The following HNRNPDL variants were observed in gnomAD, a reference collection of about 807,000 sequenced individuals.
HNRNPDL encodes heterogeneous nuclear ribonucleoprotein D like.
Under a neutral mutation model 48.0 loss-of-function variants are expected in HNRNPDL, and 18 were observed. The observed-to-expected ratio is 0.38, with a 90% CI of 0.26 to 0.56. The LOEUF (loss-of-function observed/expected upper bound fraction) is 0.56. HNRNPDL is among the 20% of genes least tolerant of loss of function. HNRNPDL has a pLI of 0.77. For synonymous variants in HNRNPDL, 306 were observed against 207.3 expected (o/e 1.48, Z -4.09); for missense variants, 553 against 540.7 (o/e 1.02, Z -0.23).
chr4:82,427,452 T>A lies in HNRNPDL; in HGVS notation c.887A>T (p.His296Leu). ...CTTTACCTTCCCAGAACCAATTTGA[T>A]GGTATCTGCTTTCTAACAATTTTTT... is the stretch of plus-strand genomic sequence containing the variant. ...PVKKLLESRY[H>L]QIGSGKCEIK... Residue 296 changes from histidine (H) to leucine (L), a missense_variant, in exon 4 of 8, where the codon CAT (histidine) becomes CTT (leucine). Transcript: ENST00000295470. 6.2e-7 allele frequency: 1 copy of A among 1,605,982 alleles called. No individual in the cohort carries two copies. The highest frequency in any genetic ancestry group is 8.5e-7 in the Non-Finnish European group (1 of 1,178,010).
In HNRNPDL at chr4:82,423,666, C is replaced by G. The variant is rs763333619; in HGVS notation, c.*1240G>C. The G allele has an allele frequency of 2.6e-5, 4 of 152,170 alleles. No homozygotes were observed. The highest frequency in any genetic ancestry group is 4.4e-5 in the Non-Finnish European group (3 of 68,036). The allele number at this position is 152,170 out of a possible 1,614,324, so 9.4% of individuals were successfully genotyped here. ...AACACTGAGGCCAAGGTCCCAAAAT[C>G]CAACTACACTGAATGCAAAATCCAA... On this transcript the variant is annotated 3_prime_UTR_variant, in exon 8 of 8. Transcript: ENST00000295470.
Position 82,429,365 on chromosome 4 carries a change from C to T in HNRNPDL, c.326G>A (p.Arg109His), listed in dbSNP as rs780878669. 26 of 1,613,392 alleles carry T rather than the reference C, an allele frequency of 1.6e-5. No homozygotes were observed. Among genetic ancestry groups the T allele is most frequent in the Non-Finnish European group, 2.2e-5 (26 of 1,179,888 alleles). ...AAAAAATRTA[R>H]QHPPADSSVT... The stretch of plus-strand genomic sequence containing the variant: ...GGAGCTGTCGGCAGGGGGGTGCTGG[C>T]GCGCAGTCCGGGTCGCGGCAGCAGC... Residue 109 changes from arginine (R) to histidine (H), a missense_variant, in exon 1 of 8, where the codon CGC (arginine) becomes CAC (histidine). By Grantham distance (29) the Arg-to-His change is conservative (BLOSUM62 0). Coordinates refer to ENST00000295470, the MANE Select transcript of HNRNPDL (RefSeq NM_031372.4).
rs2110025743 is a variant in HNRNPDL at position 82,424,162 on chromosome 4, T to A, written c.*744A>T. The A allele has an allele frequency of 6.6e-6, 1 of 152,364 alleles. No homozygotes were observed. The highest frequency in any genetic ancestry group is 2.4e-5 in the African/African-American group (1 of 41,584). 9.4% of individuals were successfully genotyped at this position (152,364 alleles called of 1,614,324 possible). A position where few individuals can be genotyped will look rare whatever the true frequency, so the allele number is the denominator to read the frequency against. The stretch of plus-strand genomic sequence containing the variant: ...AGTGCTCCTTTTGTATCTGAACTTT[T>A]ATCAAGAATTACTCATTGTGTTATG... On this transcript the variant is annotated 3_prime_UTR_variant, in exon 8 of 8. Transcript: ENST00000295470.
Position 82,429,560 on chromosome 4 carries a change from G to A in HNRNPDL, c.131C>T (p.Ser44Leu), listed in dbSNP as rs1210569677. The stretch of plus-strand genomic sequence containing the variant: ...CTGCCGGGCGGAGCTGGGAGCGAGC[G>A]AAGGGAGGAGCGGGGCTAGCTGCCG... ...PPRQLAPLLP[S>L]LAPSSARQGA... The change falls in exon 1 of 8, where the codon TCG (serine) becomes TTG (leucine). Residue 44 changes from serine to leucine, a missense_variant. Ser to Leu is a moderately radical substitution (Grantham distance 145). Transcript: ENST00000295470. The A allele has an allele frequency of 4.9e-6, 7 of 1,438,002 alleles. No homozygotes were observed. The highest frequency in any genetic ancestry group is 6.4e-6 in the Non-Finnish European group (7 of 1,100,512). 89.1% of individuals were successfully genotyped at this position (1,438,002 alleles called of 1,614,324 possible).
intron 1 of HNRNPDL, 150 bp downstream of exon 1, chr4:82,429,098 A>T: frequency 2.8e-6 from 2 of 725,860 alleles, no homozygotes; most frequent in Non-Finnish European, 4.7e-6. Context: ...TCGATCTCTT[A>T]CTTTCCTCTT....
At position 82,427,751 on chromosome 4, in the gene HNRNPDL, G is replaced by C. The variant is rs555968555; in HGVS notation, c.775-187C>G. ...TTGTTGTATATTTGAAGCATTGAGA[G>C]AAATTAATATTATTTTGTACCCAAA... is the stretch of plus-strand genomic sequence containing the variant. On this transcript the variant is annotated intron_variant, in intron 3 of 7. Transcript: ENST00000295470. Among the ~76,000 whole-genome samples, 15 of 152,340 alleles carry C rather than the reference G, an allele frequency of 9.8e-5. No homozygotes were observed. The South Asian group carries it at 1.4e-3, about 15-fold the overall frequency.
rs1721347434 is a variant in HNRNPDL, at chr4:82,424,737, A to C, written c.*169T>G. The C allele has an allele frequency of 6.6e-6, 1 of 152,588 alleles. No homozygotes were observed. The highest frequency in any genetic ancestry group is 6.5e-5 in the Admixed American group (1 of 15,290). 9.5% of individuals were successfully genotyped at this position (152,588 alleles called of 1,614,324 possible). Reference sequence around the variant, plus strand: ...ACAGATAGCAAAGGACAAAGTAAAAACAAAGAAAACTAATTGGCAGCTATA... The same window carrying C: ...ACAGATAGCAAAGGACAAAGTAAAACCAAAGAAAACTAATTGGCAGCTATA... On this transcript the variant is annotated 3_prime_UTR_variant, in exon 8 of 8. Transcript: ENST00000295470.
In HNRNPDL at chr4:82,429,708, GGA is replaced by G; in HGVS notation, c.-20_-19del. On this transcript the variant is annotated 5_prime_UTR_variant, in exon 1 of 8. Transcript: ENST00000295470. ...ACCTCCATCGCGGCCCTCCCGGCAA[GGA>G]GAGAGGCCACGCGTGAGGGGACGCG... 4.5e-6 allele frequency: 6 copies of G among 1,347,986 alleles called. No individual in the cohort carries two copies. The South Asian group carries it at 5.9e-5, about 13-fold the overall frequency. The allele number at this position is 1,347,986 out of a possible 1,614,324, so 83.5% of individuals were successfully genotyped here.
At chr4:82,427,589 G>A (rs570881771) in intron 3 of HNRNPDL, 25 bp from the exon 4 acceptor site, 53 of 1,601,534 alleles carry the variant, frequency 3.3e-5, no homozygotes, top group South Asian at 1.9e-4. Flanking sequence ...CACACTCAAC[G>A]TCATCCCATA....
chr4:82,429,926 G>A lies in HNRNPDL; in HGVS notation c.-236C>T, dbSNP rs1721647467. 2.7e-6 allele frequency: 1 copy of A among 366,672 alleles called. No individual in the cohort carries two copies. Among genetic ancestry groups the A allele is most frequent in the African/African-American group, 2.1e-5 (1 of 47,836 alleles). The allele number at this position is 366,672 out of a possible 1,614,324, so 22.7% of individuals were successfully genotyped here. ...GCCTTTTTCTGCCCTCGGTTCGCCA[G>A]TGCGGAGCCGCTGCGGCGGCCGCTG... On this transcript the variant is annotated 5_prime_UTR_variant, in exon 1 of 8. Transcript: ENST00000295470.
intron 5 of HNRNPDL, 121 bp downstream of exon 5, chr4:82,427,069 A>G (rs1721442006): frequency 2.6e-6 from 2 of 777,206 alleles, no homozygotes; most frequent in Non-Finnish European, 4.5e-6. Context: ...TAAGCTGAAC[A>G]GTCCCCCCTC....
In HNRNPDL at chr4:82,429,461, C is replaced by G. The variant is rs1382265306; in HGVS notation, c.230G>C (p.Gly77Ala). The G allele has an allele frequency of 1.3e-6, 2 of 1,594,538 alleles. No individual in the cohort carries two copies. Among genetic ancestry groups the G allele is most frequent in the South Asian group, 1.1e-5 (1 of 90,330 alleles). The change falls in exon 1 of 8, where the codon GGA becomes GCA. Residue 77 changes from glycine to alanine, a missense_variant. Transcript: ENST00000295470. ...GAGATCCGGGCGCCGCCTGCGCCCT[C>G]CCTTTATAGCCGCCCCGCCCGCCAA... is the stretch of plus-strand genomic sequence containing the variant. Reference protein sequence around the residue: ...SRLAGGAAIKGGRRRRPDLFR... With the variant: ...SRLAGGAAIKAGRRRRPDLFR...
chr4:82,427,167 A>G (rs1376685334), intron 5 of HNRNPDL, 23 bp downstream of exon 5: 8 of 1,430,010 alleles, frequency 5.6e-6, no homozygotes, highest in African/African-American at 4.2e-5. Context: ...CCACGGAGTC[A>G]TATTTCAAGA....
intron 4 of HNRNPDL, 47 bp downstream of exon 4, chr4:82,427,383 AATT>A: frequency 6.5e-7 from 1 of 1,532,866 alleles, no homozygotes; most frequent in Non-Finnish European, 8.8e-7. Context: ...CACATCAAGA[AATT>A]ATTTCAATTA....
At position 82,429,549 on chromosome 4, in the gene HNRNPDL, T is replaced by C. The variant is rs767331682; in HGVS notation, c.142A>G (p.Ser48Gly). The change falls in exon 1 of 8, where the codon AGC becomes GGC. Residue 48 changes from serine to glycine, a missense_variant. Ser to Gly is a moderately conservative substitution (Grantham distance 56). Transcript: ENST00000295470. ...LAPLLPSLAP[S>G]SARQGARRAQ... ...CGGCGCGCCCCCTGCCGGGCGGAGCTGGGAGCGAGCGAAGGGAGGAGCGGG... is the reference window on the plus strand; with the variant it reads ...CGGCGCGCCCCCTGCCGGGCGGAGCCGGGAGCGAGCGAAGGGAGGAGCGGG... 411 of 1,458,050 alleles carry C rather than the reference T, an allele frequency of 2.8e-4. No individual in the cohort carries two copies. The highest frequency in any genetic ancestry group is 3.5e-4 in the Non-Finnish European group (390 of 1,109,620). 90.3% of individuals were successfully genotyped at this position (1,458,050 alleles called of 1,614,324 possible).
Position 82,429,734 on chromosome 4 carries a change from C to T in HNRNPDL, c.-44G>A, listed in dbSNP as rs888837482. 11 of 1,296,112 alleles carry T rather than the reference C, an allele frequency of 8.5e-6. No individual in the cohort carries two copies. The East Asian group carries it at 1.9e-4, about 22-fold the overall frequency. The allele number at this position is 1,296,112 out of a possible 1,614,324, so 80.3% of individuals were successfully genotyped here. Reference sequence around the variant, plus strand: ...GAGAGAGGCCACGCGTGAGGGGACGCGGGCTTGGGAGAAGAGAAGAATCAG... The same window carrying T: ...GAGAGAGGCCACGCGTGAGGGGACGTGGGCTTGGGAGAAGAGAAGAATCAG... On this transcript the variant is annotated 5_prime_UTR_variant, in exon 1 of 8. Transcript: ENST00000295470.
rs939174385 is a variant in HNRNPDL at position 82,426,615 on chromosome 4, T to C, written c.1040A>G (p.Asn347Ser). ...ATCATAATAGTTATTAAATCCTTGG[T>C]TCCAGTTTTGGCCCTGACCTGAAAC... ...GRGRGQGQNWNQGFNNYYDQG... is the reference protein window; with the variant it reads ...GRGRGQGQNWSQGFNNYYDQG... Residue 347 changes from asparagine (N) to serine (S), a missense_variant, in exon 6 of 8, where the codon AAC becomes AGC. This residue lies in a region of HNRNPDL where 174 missense variants were observed against 204.6 expected (regional missense o/e 0.85). Transcript: ENST00000295470. 1 of 1,613,838 alleles carries C rather than the reference T, an allele frequency of 6.2e-7. No individual in the cohort carries two copies. The highest frequency in any genetic ancestry group is 1.7e-5 in the Admixed American group (1 of 60,028).
chr4:82,427,579 C>T lies in HNRNPDL; in HGVS notation c.775-15G>A. On this transcript the variant is annotated splice_polypyrimidine_tract_variant and intron_variant, in intron 3 of 7. Transcript: ENST00000295470. ...ATATTTTCAATCTGAAATCGAGATG[C>T]ACACTCAACGTCATCCCATAATTGT... 6.2e-7 allele frequency: 1 copy of T among 1,605,708 alleles called. No individual in the cohort carries two copies. The highest frequency in any genetic ancestry group is 8.5e-7 in the Non-Finnish European group (1 of 1,177,504).
Position 82,429,276 on chromosome 4 carries a change from T to G in HNRNPDL, c.415A>C (p.Asn139His). 1 of 1,613,712 alleles carries G rather than the reference T, an allele frequency of 6.2e-7. No homozygotes were observed. The highest frequency in any genetic ancestry group is 8.5e-7 in the Non-Finnish European group (1 of 1,179,920). The change falls in exon 1 of 8, where the codon AAC becomes CAC. Residue 139 changes from asparagine to histidine, a missense_variant. Asn to His is a moderately conservative substitution (Grantham distance 68, BLOSUM62 1). Transcript: ENST00000295470. ...IEEFAEGSKI[N>H]ASKNQQDDGK... ...TCATCCTGCTGATTCTTGCTCGCGT[T>G]GATCTTGGATCCCTCTGCGAATTCC...
Sources: allele counts gnomAD v4.1 joint callset (sites outside exome capture counted in the v4.1 genomes callset), GRCh38; gene constraint gnomAD v4.1.1; regional missense constraint gnomAD v4.1.1; transcripts MANE v1.5; gene names NCBI Gene and HGNC (gene_info 2026-07-23, HGNC 2026-07-21).